CMKLR1: variants seen among roughly 807,000 people sequenced by gnomAD.
The protein encoded by CMKLR1 is chemerin-like receptor 1.
CMKLR1 carries 6 observed loss-of-function variants against 8.2 expected under a neutral mutation model. The observed-to-expected ratio is 0.73, with a 90% CI of 0.40 to 1.44. The LOEUF (loss-of-function observed/expected upper bound fraction) is 1.44. Ranked by LOEUF, CMKLR1 falls within the 40% of genes most tolerant of loss-of-function variation. The probability of loss-of-function intolerance (pLI) is 0.02; values close to 1 mark genes in which losing one functional copy is unlikely to be tolerated. For synonymous variants in CMKLR1, 178 were observed against 181.2 expected, an observed-to-expected ratio of 0.98 and a Z score of 0.14; for missense variants, 429 against 478.0, an observed-to-expected ratio of 0.90 and a Z score of 0.96.
intron 2 of CMKLR1, among the ~76,000 whole-genome samples, chr12:108,297,892 C>T (rs1891175938): frequency 6.6e-6 from 1 of 152,232 alleles, no homozygotes; most frequent in South Asian, 2.1e-4. Flanking sequence ...AAGGCCTCTG[C>T]AGTCAGTTAC....
chr12:108,308,642 G>T (rs2137313595), intron 2 of CMKLR1, among the ~76,000 whole-genome samples: 1 of 152,306 alleles, frequency 6.6e-6, no homozygotes, highest in South Asian at 2.1e-4. Context: ...AGAAAATAGA[G>T]GTTCTATTAG....
In CMKLR1 at chr12:108,291,745, G is replaced by A; in HGVS notation, c.*96C>T. 1 of 1,258,868 alleles carries A rather than the reference G, an allele frequency of 7.9e-7. No homozygotes were observed. Among genetic ancestry groups the A allele is most frequent in the South Asian group, 1.4e-5 (1 of 69,160 alleles). 78.0% of individuals were successfully genotyped at this position (1,258,868 alleles called of 1,614,324 possible). ...CCCATGCAAAATGCAGTGAAAATTG[G>A]TGGATGCTAAAGAGGTTCTTGCCTT... On this transcript the variant is annotated 3_prime_UTR_variant, in exon 4 of 4. Coordinates refer to ENST00000550402, the MANE Select transcript of CMKLR1 (RefSeq NM_001142343.2).
At chr12:108,331,710 T>G (rs1306326930) in intron 1 of CMKLR1, among the ~76,000 whole-genome samples, 3 of 151,198 alleles carry the variant, frequency 2.0e-5, no homozygotes, top group South Asian at 2.1e-4. Context: ...GGCAGGAGAG[T>G]CAAAGTGATT....
intron 2 of CMKLR1, among the ~76,000 whole-genome samples, chr12:108,328,156 C>T (rs944219405): frequency 1.1e-4 from 17 of 152,200 alleles, no homozygotes; most frequent in African/African-American, 3.6e-4. Context: ...CAGCTTCCCC[C>T]GGGAGAAGTG....
intron 2 of CMKLR1, among the ~76,000 whole-genome samples, chr12:108,319,791 AAAAAC>A (rs1007145439): frequency 2.5e-4 from 38 of 152,312 alleles, no homozygotes; most frequent in Non-Finnish European, 3.8e-4. Flanking sequence ...AGTATGGTTT[AAAAAC>A]AAAACAAAAC....
chr12:108,322,692 T>G (rs1891890355), intron 2 of CMKLR1, among the ~76,000 whole-genome samples: 1 of 152,092 alleles, frequency 6.6e-6, no homozygotes, highest in African/African-American at 2.4e-5. Flanking sequence ...CCTCTCCTCA[T>G]GTGATGCTGG....
At position 108,302,912 on chromosome 12, in the gene CMKLR1, G is replaced by A. The variant is rs1041233788; in HGVS notation, c.-73-9248C>T. ...AATACAAGCGCAGGGACTTCTGGGG[G>A]CCCCTGATGGAGAAGTGGAGGGATG... is the stretch of plus-strand genomic sequence containing the variant. On this transcript the variant is annotated intron_variant, in intron 2 of 3. Coordinates refer to ENST00000550402, the MANE Select transcript of CMKLR1 (RefSeq NM_001142343.2). Among the ~76,000 whole-genome samples, 11 of 152,274 alleles carry A rather than the reference G, an allele frequency of 7.2e-5. No individual in the cohort carries two copies. In the South Asian group the frequency reaches 2.1e-3, roughly 29 times the overall value.
intron 2 of CMKLR1, among the ~76,000 whole-genome samples, chr12:108,301,623 T>C (rs1891276967): frequency 6.6e-6 from 1 of 152,216 alleles, no homozygotes; most frequent in African/African-American, 2.4e-5. Flanking sequence ...AAGCACCTAC[T>C]ATGTGGCAGG....
In CMKLR1 at chr12:108,288,328, C is replaced by G. The variant is rs1890859524; in HGVS notation, c.*3513G>C. 6.6e-6 allele frequency: 1 copy of G among 152,244 alleles called. No individual in the cohort carries two copies. The highest frequency in any genetic ancestry group is 2.4e-5 in the African/African-American group (1 of 41,450). 9.4% of individuals were successfully genotyped at this position (152,244 alleles called of 1,614,324 possible). On this transcript the variant is annotated 3_prime_UTR_variant, in exon 4 of 4. Coordinates refer to ENST00000550402, the MANE Select transcript of CMKLR1 (RefSeq NM_001142343.2). ...CCAAACCAGACACCACCTCGTTTTG[C>G]AGAGTCCTCAGGGGAAGCTCTCAAA...
intron 2 of CMKLR1, among the ~76,000 whole-genome samples, chr12:108,298,235 T>C (rs1395176636): frequency 6.6e-6 from 1 of 152,246 alleles, no homozygotes; most frequent in Admixed American, 6.5e-5. Context: ...ATACTTTATA[T>C]TGGTTTTACT....
intron 2 of CMKLR1, among the ~76,000 whole-genome samples, chr12:108,304,129 A>T (rs911205957): frequency 7.9e-5 from 12 of 152,156 alleles, no homozygotes; most frequent in Admixed American, 6.5e-4. Context: ...GCAGGGCTGG[A>T]GGACAGCAAG....
intron 2 of CMKLR1, among the ~76,000 whole-genome samples, chr12:108,295,408 G>A (rs1891107827): frequency 1.3e-5 from 2 of 152,198 alleles, no homozygotes; most frequent in Admixed American, 6.5e-5. Flanking sequence ...CCTTCCTTTT[G>A]GAAGAAATGA....
At chr12:108,337,742 C>T (rs1892262295) in intron 1 of CMKLR1, among the ~76,000 whole-genome samples, 1 of 152,176 alleles carries the variant, frequency 6.6e-6, no homozygotes, top group Admixed American at 6.5e-5. Flanking sequence ...AGAGATAACT[C>T]TCCTGTGGAC....
At chr12:108,332,798 T>C (rs996139896) in intron 1 of CMKLR1, among the ~76,000 whole-genome samples, 1 of 152,052 alleles carries the variant, frequency 6.6e-6, no homozygotes, top group East Asian at 1.9e-4. Context: ...GAACCCTGAC[T>C]AATACATCCT....
intron 2 of CMKLR1, among the ~76,000 whole-genome samples, chr12:108,324,061 C>T (rs139961844): frequency 2.1e-4 from 32 of 152,254 alleles, no homozygotes; most frequent in Non-Finnish European, 3.4e-4. Flanking sequence ...AGCAGGGAGA[C>T]CCCAGAGTTT....
chr12:108,296,811 T>A (rs1162591437), intron 2 of CMKLR1, among the ~76,000 whole-genome samples: 5 of 150,732 alleles, frequency 3.3e-5, no homozygotes, highest in Non-Finnish European at 7.4e-5. Context: ...GACCACAGGG[T>A]GAGACTGTCT....
At chr12:108,326,401 C>G (rs1891984034) in intron 2 of CMKLR1, among the ~76,000 whole-genome samples, 1 of 152,222 alleles carries the variant, frequency 6.6e-6, no homozygotes, top group African/African-American at 2.4e-5. Flanking sequence ...AAGCTATCAT[C>G]AGTTGCAAAC....
At chr12:108,326,109 C>T (rs933438272) in intron 2 of CMKLR1, among the ~76,000 whole-genome samples, 1 of 152,022 alleles carries the variant, frequency 6.6e-6, no homozygotes, top group Non-Finnish European at 1.5e-5. Context: ...TTAAGATAAC[C>T]CAATTTTGGC....
chr12:108,325,303 A>G (rs752500729), intron 2 of CMKLR1, among the ~76,000 whole-genome samples: 1 of 152,122 alleles, frequency 6.6e-6, no homozygotes, highest in African/African-American at 2.4e-5. Flanking sequence ...TCCACTCTCA[A>G]TCACCTGAGA....
Sources: gnomAD v4.1 joint callset for allele counts (sites outside exome capture counted in the v4.1 genomes callset) on GRCh38, gnomAD v4.1.1 for gene constraint, MANE v1.5 for transcripts, NCBI Gene and HGNC (gene_info 2026-07-23, HGNC 2026-07-21) for gene names.